The following LRMDA variants were observed in gnomAD, a reference collection of about 807,000 sequenced individuals.
The protein encoded by LRMDA is leucine-rich melanocyte differentiation-associated protein.
In LRMDA, 18 loss-of-function variants were observed where a neutral mutation model predicts 29.8. The observed-to-expected ratio is 0.60, with a 90% confidence interval of 0.42 to 0.90. The LOEUF is 0.90. LRMDA is among the 40% of genes least tolerant of loss of function. The pLI, the probability that LRMDA is intolerant of heterozygous loss-of-function variation, is 0.00. For missense variants in LRMDA, 273 were observed against 273.9 expected (o/e 1.00, Z 0.02); for synonymous variants, 125 against 109.4 (o/e 1.14, Z -0.89).
At chr10:76,401,564 A>G (rs1841849062) in intron 6 of LRMDA, among the ~76,000 whole-genome samples, 1 of 152,210 alleles carries the variant, frequency 6.6e-6, no homozygotes. Context: ...CCTCCCTGAC[A>G]TAGATTCTAA....
chr10:75,431,836 C>T (rs34715034), intron 1 of LRMDA, 82 bp downstream of exon 1: 4 of 1,223,894 alleles, frequency 3.3e-6, no homozygotes, highest in Admixed American at 4.1e-5. Context: ...TCCCCAGGGC[C>T]TAGACACCCC....
intron 2 of LRMDA, among the ~76,000 whole-genome samples, chr10:75,533,450 A>G (rs1845502299): frequency 6.6e-6 from 1 of 152,230 alleles, no homozygotes; most frequent in South Asian, 2.1e-4. Context: ...GAAAGCATCA[A>G]TCCTGGGTGG....
At chr10:76,319,528 T>C (rs1840743024) in intron 5 of LRMDA, among the ~76,000 whole-genome samples, 1 of 151,620 alleles carries the variant, frequency 6.6e-6, no homozygotes, top group Non-Finnish European at 1.5e-5. Flanking sequence ...TCATAGTATG[T>C]TTTTTTTTAT....
In LRMDA at chr10:76,006,038, G is replaced by A. The variant is rs181108773; in HGVS notation, c.132-29970G>A. ...CCCCTCTAATGCAGGGGTTCAGGCA[G>A]GCTTGAAATGGAGTCGCTGTTTCAC... On this transcript the variant is annotated intron_variant, in intron 2 of 6. Coordinates refer to ENST00000611255, the MANE Select transcript of LRMDA (RefSeq NM_001305581.2). Among the ~76,000 whole-genome samples, 1,171 of 152,272 alleles carry A rather than the reference G, an allele frequency of 7.7e-3. 13 individuals carry two copies. Among genetic ancestry groups the A allele is most frequent in the Non-Finnish European group, 9.6e-3 (651 of 68,022 alleles).
At chr10:76,032,625 G>A (rs1848168628) in intron 2 of LRMDA, among the ~76,000 whole-genome samples, 1 of 152,168 alleles carries the variant, frequency 6.6e-6, no homozygotes, top group Non-Finnish European at 1.5e-5. Flanking sequence ...GAGGGAAGGA[G>A]GTAAGAGGAT....
intron 5 of LRMDA, among the ~76,000 whole-genome samples, chr10:76,157,713 T>TA (rs1408398366): frequency 6.6e-6 from 1 of 151,238 alleles, no homozygotes; most frequent in Non-Finnish European, 1.5e-5. Context: ...TTAGTGACAA[T>TA]AAAAAAAATT....
intron 6 of LRMDA, among the ~76,000 whole-genome samples, chr10:76,360,058 G>T (rs557011573): frequency 6.6e-6 from 1 of 151,882 alleles, no homozygotes; most frequent in Non-Finnish European, 1.5e-5. Context: ...GCAATCACAC[G>T]ATCTTGGCTC....
chr10:76,061,146 A>G (rs1019114998), intron 5 of LRMDA, among the ~76,000 whole-genome samples: 1 of 152,240 alleles, frequency 6.6e-6, no homozygotes, highest in African/African-American at 2.4e-5. Context: ...GACAGATCAG[A>G]TAAAGAAAAT....
intron 2 of LRMDA, among the ~76,000 whole-genome samples, chr10:76,001,861 G>T (rs1847568725): frequency 6.6e-6 from 1 of 152,068 alleles, no homozygotes; most frequent in African/African-American, 2.4e-5. Context: ...TGCAACATTT[G>T]CTGCCCTTGG....
rs562976732 is a variant in LRMDA at position 75,633,582 on chromosome 10, C to T, written c.131+195088C>T. ...CCATCTTTTTAATTTAATGTCCTTCCAGCCCCAGCCCCGAAGAAAACCTGT... is the reference window on the plus strand; with the variant it reads ...CCATCTTTTTAATTTAATGTCCTTCTAGCCCCAGCCCCGAAGAAAACCTGT... On this transcript the variant is annotated intron_variant, in intron 2 of 6. Transcript: ENST00000611255. Among the ~76,000 whole-genome samples, 204 of 152,256 alleles carry T rather than the reference C, an allele frequency of 1.3e-3. 2 individuals carry two copies. The highest frequency in any genetic ancestry group is 3.4e-3 in the Middle Eastern group (1 of 294).
At chr10:75,622,608 C>T (rs1841202877) in intron 2 of LRMDA, among the ~76,000 whole-genome samples, 1 of 152,204 alleles carries the variant, frequency 6.6e-6, no homozygotes, top group Non-Finnish European at 1.5e-5. Flanking sequence ...TAGTGCTGGG[C>T]TGGCTTAGGG....
Position 76,363,260 on chromosome 10 carries a change from AAG to A in LRMDA, c.601+38776_601+38777del, listed in dbSNP as rs1841348741. ...GAAAGAAAGAAAGAAAGAAAGAAGG[AAG>A]GAAGGAAGGAAGGAAAGGAAGGAAG... On this transcript the variant is annotated intron_variant, in intron 6 of 6. Coordinates refer to ENST00000611255, the MANE Select transcript of LRMDA (RefSeq NM_001305581.2). Among the ~76,000 whole-genome samples the A allele has an allele frequency of 1.3e-4, 8 of 61,204 alleles. 1 individual carries two copies. Among genetic ancestry groups the A allele is most frequent in the South Asian group, 1.3e-3 (3 of 2,304 alleles). 40.2% of individuals were successfully genotyped at this position (61,204 alleles called of 152,430 possible).
intron 6 of LRMDA, among the ~76,000 whole-genome samples, chr10:76,358,320 A>G (rs1841267499): frequency 6.6e-6 from 1 of 152,244 alleles, no homozygotes; most frequent in African/African-American, 2.4e-5. Context: ...CATAATTGTC[A>G]GCCAAGATGT....
At chr10:75,987,073 T>A (rs1564623744) in intron 2 of LRMDA, among the ~76,000 whole-genome samples, 1 of 152,254 alleles carries the variant, frequency 6.6e-6, no homozygotes, top group African/African-American at 2.4e-5. Flanking sequence ...TGTGGATTTT[T>A]TTTTTTAAGA....
Position 76,069,918 on chromosome 10 carries a change from A to T in LRMDA, c.516+11135A>T, listed in dbSNP as rs76862104. ...TGTTGAGTTCCATGGAAAACCTGCA[A>T]TTCTTAATTTGTTCATGAGCTGTTG... On this transcript the variant is annotated intron_variant, in intron 5 of 6. Transcript: ENST00000611255. 9.4e-3 allele frequency among the ~76,000 whole-genome samples: 1,428 copies of T among 152,232 alleles called. 38 individuals are homozygous for T. Among genetic ancestry groups the T allele is most frequent in the East Asian group, 0.081 (418 of 5,162 alleles).
intron 5 of LRMDA, among the ~76,000 whole-genome samples, chr10:76,125,012 T>A (rs1032721446): frequency 1.1e-4 from 16 of 152,366 alleles, no homozygotes; most frequent in African/African-American, 3.8e-4. Context: ...TAAGAAGGCA[T>A]TTCCAGGAAA....
intron 5 of LRMDA, among the ~76,000 whole-genome samples, chr10:76,280,603 A>T (rs992212789): frequency 1.1e-4 from 17 of 151,960 alleles, no homozygotes; most frequent in African/African-American, 3.6e-4. Context: ...TTTTTCCTTA[A>T]TTAAAATTAG....
rs1215428491 is a variant in LRMDA, at chr10:76,033,378, G to A, written c.132-2630G>A. ...GTCTCAAAACCAGACAGGTGACAGG[G>A]GATTTGAGACTGATCTTACCAGCTC... On this transcript the variant is annotated intron_variant, in intron 2 of 6. Coordinates refer to ENST00000611255, the MANE Select transcript of LRMDA (RefSeq NM_001305581.2). Among the ~76,000 whole-genome samples, 9 of 152,168 alleles carry A rather than the reference G, an allele frequency of 5.9e-5. No homozygotes were observed. The South Asian group carries it at 1.5e-3, about 25-fold the overall frequency.
At chr10:75,897,819 T>TTC (rs1845609001) in intron 2 of LRMDA, among the ~76,000 whole-genome samples, 1 of 133,662 alleles carries the variant, frequency 7.5e-6, no homozygotes, top group African/African-American at 2.8e-5. Context: ...CTTCCTGCCT[T>TTC]TTTTTTTTTT....
Sources: gnomAD v4.1 joint callset for allele counts (sites outside exome capture counted in the v4.1 genomes callset) on GRCh38, gnomAD v4.1.1 for gene constraint, MANE v1.5 for transcripts, NCBI Gene and HGNC (gene_info 2026-07-23, HGNC 2026-07-21) for gene names.